Variants in ELP1 observed in about 807,000 individuals in gnomAD.
The protein encoded by ELP1 is elongator acetyltransferase complex subunit 1.
Under a neutral mutation model 183.2 loss-of-function variants are expected in ELP1, and 131 were observed. The ratio of observed to expected loss-of-function variants is 0.72; its 90% confidence interval spans 0.62 to 0.83. The LOEUF is 0.83. Ranked by LOEUF, ELP1 falls within the 40% of genes least tolerant of loss-of-function variation. ELP1 has a pLI of 0.00. For missense variants in ELP1, 1,550 were observed against 1,594.9 expected, an observed-to-expected ratio of 0.97 and a Z score of 0.48; for synonymous variants, 555 against 569.0, an observed-to-expected ratio of 0.98 and a Z score of 0.35.
chr9:108,881,056 T>C (rs991660308), intron 31 of ELP1, among the ~76,000 whole-genome samples: 21 of 152,228 alleles, frequency 1.4e-4, no homozygotes, highest in Non-Finnish European at 3.1e-4. Context: ...AGTGACCATC[T>C]GAGTATTCTA....
intron 24 of ELP1, 46 bp downstream of exon 24, chr9:108,896,907 G>A (rs1007957663): frequency 6.8e-7 from 1 of 1,477,678 alleles, no homozygotes. Flanking sequence ...AAGACTAGTA[G>A]CAGTCACGGC....
chr9:108,895,384 C>G (rs1477057357), intron 25 of ELP1, among the ~76,000 whole-genome samples: 3 of 152,124 alleles, frequency 2.0e-5, no homozygotes, highest in Admixed American at 6.5e-5. Context: ...CCTTGGCATC[C>G]TTTAACCTAG....
intron 36 of ELP1, among the ~76,000 whole-genome samples, chr9:108,872,506 T>TA (rs1827494445): frequency 6.6e-6 from 1 of 152,028 alleles, no homozygotes; most frequent in Non-Finnish European, 1.5e-5. Context: ...GACTTTATCT[T>TA]AAAAAAACTA....
At chr9:108,883,997 A>T (rs994149606) in intron 29 of ELP1, among the ~76,000 whole-genome samples, 30 of 152,050 alleles carry the variant, frequency 2.0e-4, no homozygotes, top group African/African-American at 7.2e-4. Flanking sequence ...GTCAAATTAG[A>T]TTTAAAAAAA....
At chr9:108,901,785 T>C (rs540490107) in intron 16 of ELP1, 104 bp from the exon 17 acceptor site, 1 of 1,113,802 alleles carries the variant, frequency 9.0e-7, no homozygotes, top group Non-Finnish European at 1.4e-6. Flanking sequence ...CACACCTAAG[T>C]TCCTGTAATC....
chr9:108,906,243 A>G, intron 14 of ELP1, 60 bp downstream of exon 14: 2 of 1,570,884 alleles, frequency 1.3e-6, no homozygotes, highest in South Asian at 1.1e-5. Context: ...TATGCTCATA[A>G]AAGACAAAAA....
intron 10 of ELP1, among the ~76,000 whole-genome samples, chr9:108,915,333 G>C (rs1478691302): frequency 6.6e-6 from 1 of 152,210 alleles, no homozygotes; most frequent in Non-Finnish European, 1.5e-5. Flanking sequence ...GTATTCTGTA[G>C]ATGTGATTAA....
chr9:108,900,030 G>C (rs1828707580), intron 19 of ELP1, 135 bp from the exon 20 acceptor site: 1 of 862,494 alleles, frequency 1.2e-6, no homozygotes, highest in Non-Finnish European at 1.9e-6. Context: ...GCAGAATCTT[G>C]TTGTTCTCTA....
rs1473679154 is a variant in ELP1, at chr9:108,878,067, A to G, written c.3783T>C (p.Asp1261=). ...QGRELQKAFE[D]TLQLMERSLP... Reference sequence around the variant, plus strand: ...GTGACCTTTCCATCAACTGCAGCGTATCTTCAAAGGCCTTCTGTAATTCCC... The same window carrying G: ...GTGACCTTTCCATCAACTGCAGCGTGTCTTCAAAGGCCTTCTGTAATTCCC... Residue 1261 remains aspartate (D), a synonymous_variant, in exon 35 of 37, where the codon GAT becomes GAC. Transcript: ENST00000374647. 1.2e-6 allele frequency: 2 copies of G among 1,613,904 alleles called. No individual in the cohort carries two copies. The highest frequency in any genetic ancestry group is 1.3e-5 in the African/African-American group (1 of 74,942).
chr9:108,898,775 A>G, intron 20 of ELP1, 26 bp from the exon 21 acceptor site: 3 of 1,544,750 alleles, frequency 1.9e-6, no homozygotes, highest in Non-Finnish European at 2.7e-6. Flanking sequence ...GAAAGAATAG[A>G]AAAGATATTC....
Position 108,901,639 on chromosome 9 carries a change from T to C in ELP1, c.1897A>G (p.Asn633Asp). The C allele has an allele frequency of 5.6e-6, 9 of 1,614,172 alleles. No homozygotes were observed. The highest frequency in any genetic ancestry group is 7.6e-6 in the Non-Finnish European group (9 of 1,180,004). ...CCAAGCCTTGATACCTCAATGTCAT[T>C]GATGAAAAAGCGACACCTGTCAGTC... ...GLTDRCRFFINDIEVASNITS... is the reference protein window; with the variant it reads ...GLTDRCRFFIDDIEVASNITS... Residue 633 changes from asparagine (N) to aspartate (D), a missense_variant, in exon 17 of 37, where the codon AAT (asparagine) becomes GAT (aspartate). Coordinates refer to ENST00000374647, the MANE Select transcript of ELP1 (RefSeq NM_003640.5).
At chr9:108,912,886 C>G (rs1829284451) in intron 10 of ELP1, among the ~76,000 whole-genome samples, 1 of 150,686 alleles carries the variant, frequency 6.6e-6, no homozygotes, top group African/African-American at 2.4e-5. Context: ...TCTCGAGTAG[C>G]TAGGACTACA....
At chr9:108,889,278 T>A (rs1014215319) in intron 29 of ELP1, 54 bp downstream of exon 29, 5 of 1,453,110 alleles carry the variant, frequency 3.4e-6, no homozygotes, top group Admixed American at 3.3e-5. Flanking sequence ...AAGATACAAT[T>A]GAGAAGACCT....
At chr9:108,915,455 A>T (rs1829394526) in intron 10 of ELP1, among the ~76,000 whole-genome samples, 1 of 152,224 alleles carries the variant, frequency 6.6e-6, no homozygotes, top group African/African-American at 2.4e-5. Flanking sequence ...CGCAGAAAAG[A>T]AGAAATTCTG....
chr9:108,916,743 C>T (rs1486585640), intron 9 of ELP1, among the ~76,000 whole-genome samples: 1 of 152,066 alleles, frequency 6.6e-6, no homozygotes, highest in East Asian at 1.9e-4. Context: ...TATGTATAGG[C>T]CAAAGAGTTG....
At position 108,929,877 on chromosome 9, in the gene ELP1, C is replaced by T. The variant is rs751267638; in HGVS notation, c.195G>A (p.Glu65=). 5 of 1,613,822 alleles carry T rather than the reference C, an allele frequency of 3.1e-6. No homozygotes were observed. The African/African-American group carries it at 6.7e-5, about 22-fold the overall frequency. ...VSLVAEGFLP[E]DGSGRIVGVQ... Reference sequence around the variant, plus strand: ...CACCAACAATGCGGCCACTTCCATCCTCTGGGAGAAAGCCTTCTGCCACCA... The same window carrying T: ...CACCAACAATGCGGCCACTTCCATCTTCTGGGAGAAAGCCTTCTGCCACCA... The change falls in exon 3 of 37, where the codon GAG becomes GAA. Residue 65 remains glutamate, a synonymous_variant. Transcript: ENST00000374647.
At chr9:108,932,010 C>G (rs937518553) in intron 1 of ELP1, among the ~76,000 whole-genome samples, 15 of 152,164 alleles carry the variant, frequency 9.9e-5, no homozygotes, top group Admixed American at 9.8e-4. Flanking sequence ...ATTCAGATCC[C>G]TTTAAGGCTT....
Position 108,908,285 on chromosome 9 carries a change from C to T in ELP1, c.1460+20G>A. On this transcript the variant is annotated intron_variant, in intron 13 of 36. Transcript: ENST00000374647. ...CTGGCTGATTCTGTTCCCAGAAGCCCAAGATAATTAAGAACCTACTTGTAT... is the reference window on the plus strand; with the variant it reads ...CTGGCTGATTCTGTTCCCAGAAGCCTAAGATAATTAAGAACCTACTTGTAT... 6.3e-7 allele frequency: 1 copy of T among 1,576,304 alleles called. No individual in the cohort carries two copies. The highest frequency in any genetic ancestry group is 8.7e-7 in the Non-Finnish European group (1 of 1,145,734).
At position 108,902,836 on chromosome 9, in the gene ELP1, T is replaced by C. The variant is rs773379221; in HGVS notation, c.1854+3A>G. 5 of 1,607,874 alleles carry C rather than the reference T, an allele frequency of 3.1e-6. No individual in the cohort carries two copies. Among genetic ancestry groups the C allele is most frequent in the Non-Finnish European group, 3.4e-6 (4 of 1,174,450 alleles). On this transcript the variant is annotated splice_donor_region_variant and intron_variant, in intron 16 of 36. Coordinates refer to ENST00000374647, the MANE Select transcript of ELP1 (RefSeq NM_003640.5). ...GTAAATTTCCTGCTCCGTGTTCACC[T>C]ACCTCTTCTCCAATCATGGCCAATT...
Sources: allele counts gnomAD v4.1 joint callset (sites outside exome capture counted in the v4.1 genomes callset), GRCh38; gene constraint gnomAD v4.1.1; transcripts MANE v1.5; gene names NCBI Gene and HGNC (gene_info 2026-07-23, HGNC 2026-07-21).